CCDC142: variants seen among roughly 807,000 people sequenced by gnomAD.
CCDC142 encodes the protein coiled-coil domain containing 142, also known as coiled-coil domain-containing protein 142.
A neutral mutation model predicts 83.8 loss-of-function variants in CCDC142; 67 were observed. The observed-to-expected ratio is 0.80, with a 90% confidence interval of 0.66 to 0.98. The LOEUF (loss-of-function observed/expected upper bound fraction) is 0.98. Among genes scored for constraint, CCDC142 ranks in the 50% least tolerant of loss-of-function variants. CCDC142 has a pLI of 0.00. For synonymous variants in CCDC142, 421 were observed against 421.2 expected, an observed-to-expected ratio of 1.00 and a Z score of 0.01; for missense variants, 905 against 946.8, an observed-to-expected ratio of 0.96 and a Z score of 0.58.
intron 5 of CCDC142, among the ~76,000 whole-genome samples, 156 bp downstream of exon 5, chr2:74,480,607 AAAAGTT>A (rs1047398731): frequency 6.6e-6 from 1 of 152,006 alleles, no homozygotes; most frequent in Admixed American, 6.6e-5. Flanking sequence ...AAAAAAAAAA[AAAAGTT>A]AAAGAGAACA....
chr2:74,475,707 A>C lies in CCDC142; in HGVS notation c.1523T>G (p.Leu508Arg), dbSNP rs1190923835. ...ATGACATTCTTGAGAAAAGACACTT[A>C]GTGACTCTTCAGGCAGGAGCTGTAG... ...AQIQLLPEES[L>R]SVFSQECHKQ... is the part of the protein sequence containing the mutation. Residue 508 changes from leucine (L) to arginine (R), a missense_variant, in exon 6 of 9, where the codon CTA (leucine) becomes CGA (arginine). By Grantham distance (102) the Leu-to-Arg change is moderately radical (BLOSUM62 -2). Coordinates refer to ENST00000393965, the MANE Select transcript of CCDC142 (RefSeq NM_001365575.2). The C allele has an allele frequency of 1.9e-6, 3 of 1,613,452 alleles. No homozygotes were observed. In the South Asian group the frequency reaches 3.3e-5, roughly 18 times the overall value.
intron 5 of CCDC142, among the ~76,000 whole-genome samples, chr2:74,476,625 C>G (rs553308174): frequency 2.1e-4 from 32 of 152,328 alleles, no homozygotes; most frequent in African/African-American, 7.5e-4. Flanking sequence ...TATTATTCTT[C>G]ACAGCCCACT....
chr2:74,476,759 T>A (rs1672335288), intron 5 of CCDC142, among the ~76,000 whole-genome samples: 1 of 152,140 alleles, frequency 6.6e-6, no homozygotes, highest in South Asian at 2.1e-4. Context: ...CTACAGCCCA[T>A]CTTGAGGGAG....
intron 5 of CCDC142, among the ~76,000 whole-genome samples, chr2:74,477,750 C>T (rs1672355458): frequency 6.6e-6 from 1 of 152,128 alleles, no homozygotes; most frequent in Admixed American, 6.6e-5. Flanking sequence ...TCATGATGAG[C>T]CTGCTCTGGG....
rs373983045 is a variant in CCDC142, at chr2:74,474,796, C to T, written c.2003G>A (p.Cys668Tyr). 89 of 1,607,160 alleles carry T rather than the reference C, an allele frequency of 5.5e-5. No individual in the cohort carries two copies. The highest frequency in any genetic ancestry group is 4.5e-5 in the Non-Finnish European group (53 of 1,175,778). Residue 668 changes from cysteine to tyrosine, a missense_variant, in exon 9 of 9, where the codon TGT becomes TAT. Coordinates refer to ENST00000393965, the MANE Select transcript of CCDC142 (RefSeq NM_001365575.2). Reference sequence around the variant, plus strand: ...CAATTTCGTGGTCTGGACCTCCTGACAAGCACCTGGTAAGGCAGGAGTGGA... The same window carrying T: ...CAATTTCGTGGTCTGGACCTCCTGATAAGCACCTGGTAAGGCAGGAGTGGA... ...VHRRPPCCCACQEVQTTKLPS... is the reference protein window; with the variant it reads ...VHRRPPCCCAYQEVQTTKLPS...
Position 74,480,982 on chromosome 2 carries a change from G to A in CCDC142, c.1363C>T (p.Leu455=), listed in dbSNP as rs1367625395. Residue 455 remains leucine, a synonymous_variant, in exon 4 of 9, where the codon CTG becomes TTG. Coordinates refer to ENST00000393965, the MANE Select transcript of CCDC142 (RefSeq NM_001365575.2). ...GGTAAGTCCTTTTGGATCAGGAGCA[G>A]GAAGGAAGCTGGGTCCCATGCTGCC... ...YLAAWDPASF[L]LLIQKDLPPL... 3 of 1,614,032 alleles carry A rather than the reference G, an allele frequency of 1.9e-6. No individual in the cohort carries two copies. The African/African-American group carries it at 4.0e-5, about 22-fold the overall frequency.
chr2:74,475,406 G>C lies in CCDC142; in HGVS notation c.1619-4C>G. The stretch of plus-strand genomic sequence containing the variant: ...TCACTAGGAGCACTGGGAGGTTCTG[G>C]AATAGAGAAGACAGAATATAAGGCT... On this transcript the variant is annotated splice_polypyrimidine_tract_variant and splice_region_variant and intron_variant, in intron 6 of 8. Coordinates refer to ENST00000393965, the MANE Select transcript of CCDC142 (RefSeq NM_001365575.2). 7.0e-6 allele frequency: 11 copies of C among 1,567,968 alleles called. No individual in the cohort carries two copies. The highest frequency in any genetic ancestry group is 9.5e-6 in the Non-Finnish European group (11 of 1,157,502).
In CCDC142 at chr2:74,475,017, A is replaced by G. The variant is rs765096568; in HGVS notation, c.1895T>C (p.Leu632Pro). 4 of 1,613,976 alleles carry G rather than the reference A, an allele frequency of 2.5e-6. No homozygotes were observed. In the South Asian group the frequency reaches 4.4e-5, roughly 18 times the overall value. Residue 632 changes from leucine (L) to proline (P), a missense_variant, in exon 8 of 9, where the codon CTG becomes CCG. By Grantham distance (98) the Leu-to-Pro change is moderately conservative. This residue lies in a region of CCDC142 where 265 missense variants were observed against 288.9 expected (regional missense o/e 0.92). Transcript: ENST00000393965. ...WSLSPDLRQT[L>P]LMLSIFQQLD... ...CTGCTGGAAGATGCTGAGCATGAGCAGGGTCTGGCGGAGATCAGGGGACAG... is the reference window on the plus strand; with the variant it reads ...CTGCTGGAAGATGCTGAGCATGAGCGGGGTCTGGCGGAGATCAGGGGACAG...
chr2:74,477,639 C>T (rs1355593857), intron 5 of CCDC142, among the ~76,000 whole-genome samples: 1 of 152,206 alleles, frequency 6.6e-6, no homozygotes, highest in Non-Finnish European at 1.5e-5. Flanking sequence ...GCTTCCCAGC[C>T]ACCATCTCCA....
chr2:74,482,540 G>A lies in CCDC142; in HGVS notation c.298C>T (p.Arg100Cys). ...GCCTGGAGGAGCTGCTCCCGCTCGCGATGCAGCCGCAGCAACACCGCCCGG... is the reference window on the plus strand; with the variant it reads ...GCCTGGAGGAGCTGCTCCCGCTCGCAATGCAGCCGCAGCAACACCGCCCGG... ...RLRAVLLRLH[R>C]EREQLLQARD... Residue 100 changes from arginine (R) to cysteine (C), a missense_variant, in exon 1 of 9, where the codon CGC (arginine) becomes TGC (cysteine). Arg to Cys is a radical substitution (Grantham distance 180). Around this residue, in one of 3 missense-constraint regions of CCDC142, gnomAD observed 591 missense variants for 571.4 expected, o/e 1.03. Coordinates refer to ENST00000393965, the MANE Select transcript of CCDC142 (RefSeq NM_001365575.2). This position sits in a 1 kb window ranked among gnomAD's most constrained non-coding sequence, Gnocchi z 5.0. 1 of 1,593,152 alleles carries A rather than the reference G, an allele frequency of 6.3e-7. No individual in the cohort carries two copies.
Position 74,480,816 on chromosome 2 carries a change from C to T in CCDC142, c.1456G>A (p.Glu486Lys). ...ASEESLALEVEQQLGLEIQKL... is the reference protein window; with the variant it reads ...ASEESLALEVKQQLGLEIQKL... ...TGGATCTCCAGGCCCAGCTGCTGCT[C>T]CACTTCCAGAGCTAAGCTTTCCTCT... The change falls in exon 5 of 9, where the codon GAG becomes AAG. Residue 486 changes from glutamate (E) to lysine (K), a missense_variant. By Grantham distance (56) the Glu-to-Lys change is moderately conservative. Transcript: ENST00000393965. 6.2e-7 allele frequency: 1 copy of T among 1,613,808 alleles called. No homozygotes were observed. Among genetic ancestry groups the T allele is most frequent in the Non-Finnish European group, 8.5e-7 (1 of 1,179,786 alleles).
Position 74,482,414 on chromosome 2 carries a change from G to A in CCDC142, c.424C>T (p.Arg142Cys), listed in dbSNP as rs190930947. Reference protein sequence around the residue: ...GGPSPLPQWCRDLQLHPSQGA... With the variant: ...GGPSPLPQWCCDLQLHPSQGA... ...TGGGAAGGGTGCAGCTGCAGGTCGC[G>A]GCACCACTGGGGCAAGGGGCTAGGG... is the stretch of plus-strand genomic sequence containing the variant. The change falls in exon 1 of 9, where the codon CGC becomes TGC. Residue 142 changes from arginine (R) to cysteine (C), a missense_variant. Transcript: ENST00000393965. The surrounding 1 kb of genome is among the most constrained non-coding windows in gnomAD (Gnocchi z 5.0). 3.5e-4 allele frequency: 553 copies of A among 1,561,002 alleles called. 1 individual carries two copies. In the African/African-American group the frequency reaches 6.7e-3, roughly 19 times the overall value.
Position 74,482,352 on chromosome 2 carries a change from G to A in CCDC142, c.486C>T (p.Leu162=), listed in dbSNP as rs1237338920. 1.9e-6 allele frequency: 3 copies of A among 1,596,110 alleles called. No homozygotes were observed. The highest frequency in any genetic ancestry group is 1.8e-5 in the Admixed American group (1 of 55,072). ...TGGGGCGCGCTAGCAGCAGCGGCTC[G>A]AGAGTCTCCCCAGGGCCGATTCGCA... ...AVLRIGPGET[L]EPLLLARPIG... is the part of the protein sequence containing the mutation. The change falls in exon 1 of 9, where the codon CTC becomes CTT. Residue 162 remains leucine, a synonymous_variant. Coordinates refer to ENST00000393965, the MANE Select transcript of CCDC142 (RefSeq NM_001365575.2). The surrounding 1 kb of genome is among the most constrained non-coding windows in gnomAD (Gnocchi z 5.0).
In CCDC142 at chr2:74,481,443, C is replaced by A; in HGVS notation, c.1108+9G>T. The A allele has an allele frequency of 3.1e-6, 5 of 1,614,130 alleles. No individual in the cohort carries two copies. Among genetic ancestry groups the A allele is most frequent in the Non-Finnish European group, 4.2e-6 (5 of 1,180,016 alleles). The stretch of plus-strand genomic sequence containing the variant: ...ACTTATGTCACCCCCAGTGCCCCTT[C>A]CTTCTCACCTTGGTCCCAGCTCCAG... On this transcript the variant is annotated intron_variant, in intron 2 of 8. Coordinates refer to ENST00000393965, the MANE Select transcript of CCDC142 (RefSeq NM_001365575.2).
At chr2:74,479,440 CAT>C (rs1488692172) in intron 5 of CCDC142, among the ~76,000 whole-genome samples, 2 of 152,086 alleles carry the variant, frequency 1.3e-5, no homozygotes, top group Non-Finnish European at 2.9e-5. Context: ...TATTCATAAA[CAT>C]ATAAGAAAAT....
In CCDC142 at chr2:74,482,232, G is replaced by A; in HGVS notation, c.606C>T (p.Leu202=). Residue 202 remains leucine (L), a synonymous_variant, in exon 1 of 9, where the codon CTC becomes CTT. Coordinates refer to ENST00000393965, the MANE Select transcript of CCDC142 (RefSeq NM_001365575.2). This position sits in a 1 kb window ranked among gnomAD's most constrained non-coding sequence, Gnocchi z 5.0. ...EPASPGLSSQ[L]AELLFALPAY... is the part of the protein sequence containing the mutation. ...CGGGAAGTGCAAAGAGCAGCTCGGC[G>A]AGTTGGGACGACAGGCCCGGGCTGG... The A allele has an allele frequency of 6.2e-7, 1 of 1,613,422 alleles. No homozygotes were observed.
intron 5 of CCDC142, among the ~76,000 whole-genome samples, chr2:74,478,170 T>C (rs557632451): frequency 1.2e-4 from 18 of 150,896 alleles, no homozygotes; most frequent in Non-Finnish European, 2.1e-4. Context: ...CAAGTGATTC[T>C]CCTGCCTCAG....
Position 74,482,540 on chromosome 2 carries a change from G to T in CCDC142, c.298C>A (p.Arg100Ser). Residue 100 changes from arginine to serine, a missense_variant, in exon 1 of 9, where the codon CGC becomes AGC. Around this residue, in one of 3 missense-constraint regions of CCDC142, gnomAD observed 591 missense variants for 571.4 expected, o/e 1.03. Coordinates refer to ENST00000393965, the MANE Select transcript of CCDC142 (RefSeq NM_001365575.2). The surrounding 1 kb of genome is among the most constrained non-coding windows in gnomAD (Gnocchi z 5.0). ...GCCTGGAGGAGCTGCTCCCGCTCGC[G>T]ATGCAGCCGCAGCAACACCGCCCGG... ...RLRAVLLRLH[R>S]EREQLLQARD... is the part of the protein sequence containing the mutation. 6.3e-7 allele frequency: 1 copy of T among 1,593,152 alleles called. No homozygotes were observed. The highest frequency in any genetic ancestry group is 1.1e-5 in the South Asian group (1 of 89,410).
At chr2:74,478,530 C>G (rs984855088) in intron 5 of CCDC142, among the ~76,000 whole-genome samples, 1 of 151,902 alleles carries the variant, frequency 6.6e-6, no homozygotes, top group South Asian at 2.1e-4. Context: ...GCACCTGCCA[C>G]CATACCGGCT....
Sources: allele counts gnomAD v4.1 joint callset (sites outside exome capture counted in the v4.1 genomes callset), GRCh38; gene constraint gnomAD v4.1.1; regional missense constraint gnomAD v4.1.1; non-coding constraint Gnocchi (gnomAD v3.1); transcripts MANE v1.5; gene names NCBI Gene and HGNC (gene_info 2026-07-23, HGNC 2026-07-21).